SI: variants seen among roughly 807,000 people sequenced by gnomAD.
SI encodes the protein sucrase-isomaltase, intestinal.
In SI, 235 loss-of-function variants were observed where a neutral mutation model predicts 253.3. That is an observed-to-expected ratio of 0.93 (90% CI 0.83 to 1.03). The LOEUF (loss-of-function observed/expected upper bound fraction) is 1.03. SI is among the 50% of genes least tolerant of loss of function. SI has a pLI of 0.00. For synonymous variants in SI, 819 were observed against 712.0 expected (o/e 1.15, Z -2.39); for missense variants, 2,442 against 2,211.1 (o/e 1.10, Z -2.09).
At chr3:165,030,251 A>G (rs910626203) in intron 25 of SI, among the ~76,000 whole-genome samples, 2 of 150,956 alleles carry the variant, frequency 1.3e-5, no homozygotes, top group African/African-American at 4.8e-5. Context: ...TCATTTTGTT[A>G]AAATGAAAGC....
chr3:165,058,542 GA>G (rs933951351), intron 12 of SI, among the ~76,000 whole-genome samples: 3 of 151,568 alleles, frequency 2.0e-5, no homozygotes, highest in African/African-American at 7.3e-5. Context: ...GCTAGACTAA[GA>G]AAAAAAGCAA....
chr3:164,991,610 A>T, intron 43 of SI, 133 bp from the exon 44 acceptor site: 1 of 966,184 alleles, frequency 1.0e-6, no homozygotes, highest in Non-Finnish European at 1.6e-6. Flanking sequence ...TTTATTCAGA[A>T]AATCTTAATT....
chr3:165,085,156 G>A, the SI span, among the ~76,000 whole-genome samples: 8 of 152,038 alleles, frequency 5.3e-5, no homozygotes, highest in African/African-American at 1.4e-4. Flanking sequence ...ATTCTATGAA[G>A]GTTTTAACAA....
intron 37 of SI, among the ~76,000 whole-genome samples, chr3:165,000,238 T>C (rs1576877073): frequency 6.6e-6 from 1 of 151,332 alleles, no homozygotes; most frequent in Non-Finnish European, 1.5e-5. Flanking sequence ...TTCTCTATTA[T>C]ATATCTTACA....
At chr3:164,983,150 A>G in intron 45 of SI, 99 bp from the exon 46 acceptor site, 1 of 1,160,326 alleles carries the variant, frequency 8.6e-7, no homozygotes, top group Non-Finnish European at 1.2e-6. Context: ...TATAAAAAGT[A>G]GCAAATATTA....
intron 13 of SI, among the ~76,000 whole-genome samples, chr3:165,053,183 AAG>A (rs1713518972): frequency 6.6e-6 from 1 of 151,858 alleles, no homozygotes; most frequent in African/African-American, 2.4e-5. Context: ...GATGTAAAAA[AAG>A]AGAATTCAAA....
chr3:165,011,673 G>T (rs1198695494), intron 34 of SI, among the ~76,000 whole-genome samples: 1 of 148,606 alleles, frequency 6.7e-6, no homozygotes, highest in Non-Finnish European at 1.5e-5. Flanking sequence ...TTTGCTCTCT[G>T]GTTGTTCTAT....
Position 165,046,914 on chromosome 3 carries a change from T to C in SI, c.1814A>G (p.Asn605Ser). Residue 605 changes from asparagine (N) to serine (S), a missense_variant, in exon 16 of 48, where the codon AAT becomes AGT. Physicochemically the swap from Asn to Ser is conservative, Grantham distance 46. Coordinates refer to ENST00000264382, the MANE Select transcript of SI (RefSeq NM_001041.4). ...GRHAAHWLGDNTASWEQMEWS... is the reference protein window; with the variant it reads ...GRHAAHWLGDSTASWEQMEWS... ...TTCCATTTGTTCCCATGAAGCAGTA[T>C]TGTCTCCTAACCAATGCGCAGCATG... The C allele has an allele frequency of 6.2e-7, 1 of 1,613,292 alleles. No individual in the cohort carries two copies. Among genetic ancestry groups the C allele is most frequent in the Non-Finnish European group, 8.5e-7 (1 of 1,179,502 alleles).
At chr3:165,078,202 A>G (rs957832570) in intron 1 of SI, among the ~76,000 whole-genome samples, 1 of 151,464 alleles carries the variant, frequency 6.6e-6, no homozygotes, top group African/African-American at 2.4e-5. Flanking sequence ...GTCTTACAAA[A>G]GTTATAATGA....
chr3:165,070,189 T>TA (rs1034157382), intron 3 of SI, among the ~76,000 whole-genome samples: 1 of 84,772 alleles, frequency 1.2e-5, no homozygotes, highest in African/African-American at 4.0e-5. Context: ...TTTATTTATA[T>TA]ATAAAGTATA....
chr3:165,066,167 A>G (rs1714235793), intron 6 of SI, among the ~76,000 whole-genome samples: 1 of 151,948 alleles, frequency 6.6e-6, no homozygotes, highest in Non-Finnish European at 1.5e-5. Flanking sequence ...TATAATTTAC[A>G]TTGTATTCAT....
At chr3:165,039,005 G>T in intron 20 of SI, 73 bp downstream of exon 20, 1 of 929,548 alleles carries the variant, frequency 1.1e-6, no homozygotes. Flanking sequence ...AGTTTCTATG[G>T]AATTAAGTTT....
At chr3:165,052,480 AC>A (rs1713483093) in intron 13 of SI, among the ~76,000 whole-genome samples, 1 of 151,962 alleles carries the variant, frequency 6.6e-6, no homozygotes, top group South Asian at 2.1e-4. Context: ...ACATGGCAAA[AC>A]CCCGTCTCTA....
At chr3:164,999,337 T>A (rs1200486038) in intron 37 of SI, among the ~76,000 whole-genome samples, 1 of 151,646 alleles carries the variant, frequency 6.6e-6, no homozygotes, top group Non-Finnish European at 1.5e-5. Context: ...AGAAAAAAAA[T>A]AAGTATTTTT....
chr3:165,068,395 C>A (rs1714366818), intron 5 of SI, among the ~76,000 whole-genome samples: 1 of 152,154 alleles, frequency 6.6e-6, no homozygotes, highest in Non-Finnish European at 1.5e-5. Flanking sequence ...ATAAATATTT[C>A]TCAAGAGAGA....
rs1414623313 is a variant in SI at position 165,068,823 on chromosome 3, C to T, written c.382G>A (p.Ala128Thr). The T allele has an allele frequency of 2.5e-6, 4 of 1,575,938 alleles. No individual in the cohort carries two copies. Among genetic ancestry groups the T allele is most frequent in the Non-Finnish European group, 3.4e-6 (4 of 1,162,938 alleles). ...GGTGAAGGTATCCTGTTTAATTTGG[C>T]TTCAACTCCTTAAAGAATAAAAAAA... ...DMTTTSIGVEAKLNRIPSPTL... is the reference protein window; with the variant it reads ...DMTTTSIGVETKLNRIPSPTL... Residue 128 changes from alanine to threonine, a missense_variant, in exon 5 of 48, where the codon GCC becomes ACC. Ala to Thr is a moderately conservative substitution (Grantham distance 58). Coordinates refer to ENST00000264382, the MANE Select transcript of SI (RefSeq NM_001041.4).
At chr3:165,046,796 T>C (rs1352922718) in intron 16 of SI, 45 bp downstream of exon 16, 1 of 1,414,654 alleles carries the variant, frequency 7.1e-7, no homozygotes, top group Non-Finnish European at 1.0e-6. Flanking sequence ...TAAAAATTAA[T>C]GTAATTGTAG....
intron 3 of SI, among the ~76,000 whole-genome samples, chr3:165,071,284 C>A (rs941163313): frequency 6.6e-6 from 1 of 151,738 alleles, no homozygotes; most frequent in Non-Finnish European, 1.5e-5. Flanking sequence ...ATTTATCTTG[C>A]GAAGATTTTG....
chr3:165,027,506 G>T (rs1015773822), intron 25 of SI, among the ~76,000 whole-genome samples: 1 of 151,198 alleles, frequency 6.6e-6, no homozygotes, highest in Non-Finnish European at 1.5e-5. Flanking sequence ...AACCAAAAAA[G>T]AAAACTACAG....
Sources: gnomAD v4.1 joint callset for allele counts (sites outside exome capture counted in the v4.1 genomes callset) on GRCh38, gnomAD v4.1.1 for gene constraint, MANE v1.5 for transcripts, NCBI Gene and HGNC (gene_info 2026-07-23, HGNC 2026-07-21) for gene names.